LRP2: variants seen among roughly 807,000 people sequenced by gnomAD.
The protein encoded by LRP2 is low-density lipoprotein receptor-related protein 2.
A neutral mutation model predicts 531.0 loss-of-function variants in LRP2; 172 were observed. That is an observed-to-expected ratio of 0.32 (90% CI 0.29 to 0.37). The LOEUF is 0.37. Among genes scored for constraint, LRP2 ranks in the 10% least tolerant of loss-of-function variants. LRP2 has a pLI of 1.00. For synonymous variants in LRP2, 1,992 were observed against 2,027.6 expected (o/e 0.98, Z 0.47); for missense variants, 5,167 against 5,868.3 (o/e 0.88, Z 3.90).
Position 169,216,271 on chromosome 2 carries a change from T to C in LRP2, c.5808A>G (p.Ala1936=), listed in dbSNP as rs761721982. The C allele has an allele frequency of 4.3e-6, 7 of 1,613,516 alleles. No individual in the cohort carries two copies. Among genetic ancestry groups the C allele is most frequent in the Non-Finnish European group, 5.9e-6 (7 of 1,179,596 alleles). The change falls in exon 35 of 79, where the codon GCA becomes GCG. Residue 1936 remains alanine (A), a synonymous_variant. Transcript: ENST00000649046. The part of the protein sequence containing the change: ...LDIEEQKLYW[A]VTGRGVIERG... ...CTCATACCACTCCTCTTCCAGTGACTGCCCAGTAGAGTTTCTGCTCTTCGA... is the reference window on the plus strand; with the variant it reads ...CTCATACCACTCCTCTTCCAGTGACCGCCCAGTAGAGTTTCTGCTCTTCGA...
intron 49 of LRP2, among the ~76,000 whole-genome samples, chr2:169,186,613 T>C (rs946957021): frequency 6.6e-6 from 1 of 152,204 alleles, no homozygotes; most frequent in African/African-American, 2.4e-5. Flanking sequence ...CAAAATCCAT[T>C]ATCCAAATAT....
chr2:169,241,440 A>T (rs986229747), intron 24 of LRP2, 75 bp from the exon 25 acceptor site: 1 of 1,538,878 alleles, frequency 6.5e-7, no homozygotes, highest in Admixed American at 1.7e-5. Flanking sequence ...ACTCAGAGGA[A>T]ATGATTTTGG....
Position 169,257,980 on chromosome 2 carries a change from G to C in LRP2, c.2514-731C>G, listed in dbSNP as rs146233587. 3.6e-3 allele frequency among the ~76,000 whole-genome samples: 552 copies of C among 152,116 alleles called. 1 individual carries two copies. The highest frequency in any genetic ancestry group is 9.4e-3 in the African/African-American group (391 of 41,528). On this transcript the variant is annotated intron_variant, in intron 17 of 78. Transcript: ENST00000649046. ...TTTAAACAAAAGAGTCATCAGGAAA[G>C]GAATTCAACAGTTTTTCAAAACCAA...
At chr2:169,191,772 T>C (rs1313632582) in intron 48 of LRP2, 60 bp downstream of exon 48, 1 of 1,484,762 alleles carries the variant, frequency 6.7e-7, no homozygotes, top group Non-Finnish European at 9.4e-7. Flanking sequence ...GATAGGTAAG[T>C]GAGCCCAGCC....
At chr2:169,327,982 G>T (rs866414370) in intron 1 of LRP2, among the ~76,000 whole-genome samples, 1 of 114,000 alleles carries the variant, frequency 8.8e-6, no homozygotes, top group South Asian at 2.7e-4. Flanking sequence ...GGAGGGAGGT[G>T]GGGGGGTTAG....
chr2:169,154,516 T>A lies in LRP2; in HGVS notation c.12239A>T (p.Asp4080Val). The change falls in exon 66 of 79, where the codon GAT becomes GTT. Residue 4080 changes from aspartate (D) to valine (V), a missense_variant. Physicochemically the swap from Asp to Val is radical, Grantham distance 152. This residue lies in a region of LRP2 where 564 missense variants were observed against 747.7 expected (regional missense o/e 0.75). Transcript: ENST00000649046. ...ATCAACAGCTTGGATATATTCCTCATCTTGAAGATACTCTGAGAACCTCTC... is the reference window on the plus strand; with the variant it reads ...ATCAACAGCTTGGATATATTCCTCAACTTGAAGATACTCTGAGAACCTCTC... Reference protein sequence around the residue: ...SSERFSEYLQDEEYIQAVDYD... With the variant: ...SSERFSEYLQVEEYIQAVDYD... 6.2e-7 allele frequency: 1 copy of A among 1,612,900 alleles called. No homozygotes were observed. The highest frequency in any genetic ancestry group is 8.5e-7 in the Non-Finnish European group (1 of 1,178,972).
At chr2:169,333,235 G>A (rs895169896) in intron 1 of LRP2, among the ~76,000 whole-genome samples, 1 of 151,954 alleles carries the variant, frequency 6.6e-6, no homozygotes, top group African/African-American at 2.4e-5. Context: ...TTATGCCTTG[G>A]AAATGATTTT....
chr2:169,362,375 C>A lies in LRP2; in HGVS notation c.25G>T (p.Ala9Ser). MDRGPAAV[A>S]CTLLLALVAC... Reference sequence around the variant, plus strand: ...ACGAGAGCCAGGAGCAGCGTGCACGCCACTGCTGCCGGCCCGCGATCCATC... The same window carrying A: ...ACGAGAGCCAGGAGCAGCGTGCACGACACTGCTGCCGGCCCGCGATCCATC... The change falls in exon 1 of 79, where the codon GCG becomes TCG. Residue 9 changes from alanine to serine, a missense_variant. This residue lies in a region of LRP2 where 2,811 missense variants were observed against 3,058.0 expected (regional missense o/e 0.92). Transcript: ENST00000649046. The A allele has an allele frequency of 6.4e-7, 1 of 1,568,816 alleles. No individual in the cohort carries two copies. Among genetic ancestry groups the A allele is most frequent in the Non-Finnish European group, 8.6e-7 (1 of 1,159,020 alleles).
At chr2:169,319,269 T>C (rs1041797699) in intron 2 of LRP2, among the ~76,000 whole-genome samples, 15 of 152,218 alleles carry the variant, frequency 9.9e-5, no homozygotes, top group African/African-American at 3.4e-4. Flanking sequence ...ACTGGAAAAT[T>C]CATGAGATTT....
chr2:169,271,014 G>A lies in LRP2; in HGVS notation c.2210C>T (p.Ser737Leu), dbSNP rs201860953. The A allele has an allele frequency of 3.0e-4, 483 of 1,613,180 alleles. 1 individual carries two copies. The highest frequency in any genetic ancestry group is 7.2e-4 in the South Asian group (66 of 91,070). ...CCCGACAAAGAAAGAAGGATTCCCCGAAACTGGAACCATGACATCTTCCTG... is the reference window on the plus strand; with the variant it reads ...CCCGACAAAGAAAGAAGGATTCCCCAAAACTGGAACCATGACATCTTCCTG... Reference protein sequence around the residue: ...STQEDVMVPVSGNPSFFVGID... With the variant: ...STQEDVMVPVLGNPSFFVGID... The change falls in exon 16 of 79, where the codon TCG becomes TTG. Residue 737 changes from serine to leucine, a missense_variant. Physicochemically the swap from Ser to Leu is moderately radical, Grantham distance 145. This residue lies in a region of LRP2 where 2,811 missense variants were observed against 3,058.0 expected (regional missense o/e 0.92). Transcript: ENST00000649046.
chr2:169,278,092 G>GT lies in LRP2; in HGVS notation c.1566-142dup, dbSNP rs149373807. 9.3e-3 allele frequency: 6,228 copies of GT among 668,146 alleles called. 13 individuals carry two copies. Among genetic ancestry groups the GT allele is most frequent in the African/African-American group, 0.021 (1,131 of 54,362 alleles). The allele number at this position is 668,146 out of a possible 1,614,324, so 41.4% of individuals were successfully genotyped here. ...CAGTATAAAACAACAGGGAAATTAAGTTGTTTTTTTTTTTTAAAGAGACTG... is the reference window on the plus strand; with the variant it reads ...CAGTATAAAACAACAGGGAAATTAAGTTTGTTTTTTTTTTTTAAAGAGACTG... On this transcript the variant is annotated intron_variant, in intron 12 of 78. Coordinates refer to ENST00000649046, the MANE Select transcript of LRP2 (RefSeq NM_004525.3).
In LRP2 at chr2:169,152,866, G is replaced by A. The variant is rs1204622585; in HGVS notation, c.12394C>T (p.Gln4132Ter). ...TATTTCAGTTTCAGGTCAACTTCCT[G>A]CACAAGATTATTGCGGCCGGATTCA... ...NFESGRNNLVQEVDLKLKYVM... is the reference protein window; with the variant it reads ...NFESGRNNLV The change falls in exon 67 of 79, where the codon CAG becomes TAG. Residue 4132 changes from glutamine to a stop codon, truncating the protein, a stop_gained. Coordinates refer to ENST00000649046, the MANE Select transcript of LRP2 (RefSeq NM_004525.3). LOFTEE classifies it high-confidence loss of function. The A allele has an allele frequency of 6.2e-7, 1 of 1,613,960 alleles. No individual in the cohort carries two copies. The highest frequency in any genetic ancestry group is 8.5e-7 in the Non-Finnish European group (1 of 1,179,968).
rs1683639798 is a variant in LRP2, at chr2:169,279,417, T to G, written c.1520A>C (p.Glu507Ala). 12 of 1,614,076 alleles carry G rather than the reference T, an allele frequency of 7.4e-6. No individual in the cohort carries two copies. In the East Asian group the frequency reaches 2.7e-4, roughly 36 times the overall value. ...AATTCCTCTAGGATGCCCCAAGTTT[T>G]CAGTTATAAGGGTAACCCGATAGCT... ...DGSYRVTLIT[E>A]NLGHPRGIAV... The change falls in exon 12 of 79, where the codon GAA (glutamate) becomes GCA (alanine). Residue 507 changes from glutamate to alanine, a missense_variant. Around this residue, in one of 6 missense-constraint regions of LRP2, gnomAD observed 2,811 missense variants for 3,058.0 expected, o/e 0.92. Coordinates refer to ENST00000649046, the MANE Select transcript of LRP2 (RefSeq NM_004525.3).
At chr2:169,201,585 A>T (rs1411710777) in intron 44 of LRP2, 43 bp downstream of exon 44, 1 of 1,613,610 alleles carries the variant, frequency 6.2e-7, no homozygotes, top group Non-Finnish European at 8.5e-7. Flanking sequence ...GTGATCCAAG[A>T]CTTCAGACCC....
rs773374592 is a variant in LRP2 at position 169,283,030 on chromosome 2, T to C, written c.1043-29A>G. On this transcript the variant is annotated intron_variant, in intron 9 of 78. Transcript: ENST00000649046. Reference sequence around the variant, plus strand: ...CCATATGGAAAATACACATTTGTAGTCAAGGTTATCAGCATTTATTAAGCA... The same window carrying C: ...CCATATGGAAAATACACATTTGTAGCCAAGGTTATCAGCATTTATTAAGCA... 8 of 1,612,598 alleles carry C rather than the reference T, an allele frequency of 5.0e-6. No individual in the cohort carries two copies. The African/African-American group carries it at 8.0e-5, about 16-fold the overall frequency.
intron 50 of LRP2, among the ~76,000 whole-genome samples, chr2:169,183,125 A>C (rs1390793845): frequency 6.6e-6 from 1 of 152,204 alleles, no homozygotes; most frequent in Non-Finnish European, 1.5e-5. Flanking sequence ...TGAGAAGGTC[A>C]TTTAGGATTT....
chr2:169,358,898 C>CAAAAA (rs777233354), intron 1 of LRP2, among the ~76,000 whole-genome samples: 3 of 115,908 alleles, frequency 2.6e-5, no homozygotes, highest in Admixed American at 9.0e-5. Flanking sequence ...ACGATTTTCT[C>CAAAAA]AAAAAAAAAA....
chr2:169,144,440 G>T (rs1685834161), intron 70 of LRP2, among the ~76,000 whole-genome samples: 1 of 6,402 alleles, frequency 1.6e-4, no homozygotes, highest in African/African-American at 3.2e-3. Context: ...CTGAGCATCA[G>T]CTGCCGGAGG....
At chr2:169,167,600 C>T (rs1034462233) in intron 61 of LRP2, among the ~76,000 whole-genome samples, 4 of 152,034 alleles carry the variant, frequency 2.6e-5, no homozygotes, top group Non-Finnish European at 2.9e-5. Context: ...TGAGTTAATG[C>T]CTTTCCTTCC....
Sources: allele counts gnomAD v4.1 joint callset (sites outside exome capture counted in the v4.1 genomes callset), GRCh38; gene constraint gnomAD v4.1.1; regional missense constraint gnomAD v4.1.1; transcripts MANE v1.5; gene names NCBI Gene and HGNC (gene_info 2026-07-23, HGNC 2026-07-21).